DNAH6: variants seen among roughly 807,000 people sequenced by gnomAD.
The protein encoded by DNAH6 is axonemal beta dynein heavy chain 6.
In DNAH6, 340 loss-of-function variants were observed where a neutral mutation model predicts 491.4. That is an observed-to-expected ratio of 0.69 (90% CI 0.63 to 0.76). The LOEUF is 0.76. Among genes scored for constraint, DNAH6 ranks in the 30% least tolerant of loss-of-function variants. DNAH6 has a pLI of 0.00. For synonymous variants in DNAH6, 1,603 were observed against 1,686.1 expected, an observed-to-expected ratio of 0.95 and a Z score of 1.21; for missense variants, 4,443 against 4,972.2, an observed-to-expected ratio of 0.89 and a Z score of 3.20.
intron 46 of DNAH6, among the ~76,000 whole-genome samples, chr2:84,695,973 T>TA (rs1176726854): frequency 1.3e-5 from 2 of 151,786 alleles, no homozygotes; most frequent in Admixed American, 6.6e-5. Flanking sequence ...AACGTAACCA[T>TA]AAAAATAAAA....
At chr2:84,460,309 ACTC>A in the DNAH6 span, among the ~76,000 whole-genome samples, 2 of 151,778 alleles carry the variant, frequency 1.3e-5, no homozygotes, top group African/African-American at 2.4e-5. Context: ...CTGCAAATAA[ACTC>A]CTCCCTCATG....
At chr2:84,484,186 C>G in the DNAH6 span, among the ~76,000 whole-genome samples, 2 of 152,110 alleles carry the variant, frequency 1.3e-5, no homozygotes. Flanking sequence ...ACATCTGCAT[C>G]TAGTCCAGGA....
the DNAH6 span, among the ~76,000 whole-genome samples, chr2:84,472,974 C>G: frequency 3.1e-4 from 47 of 152,282 alleles, 1 homozygote; most frequent in African/African-American, 1.1e-3. Context: ...AAAGTTAACA[C>G]TGTTATCACA....
chr2:84,641,905 T>C, intron 32 of DNAH6, 42 bp from the exon 33 acceptor site: 11 of 1,478,630 alleles, frequency 7.4e-6, no homozygotes, highest in Non-Finnish European at 9.2e-6. Context: ...TGTTCAACCT[T>C]ATGTTCTTGT....
At chr2:84,598,177 TTCTC>T (rs1553438123) in intron 18 of DNAH6, among the ~76,000 whole-genome samples, 3 of 75,446 alleles carry the variant, frequency 4.0e-5, no homozygotes, top group East Asian at 5.1e-4. Flanking sequence ...CTTTCTTTCT[TTCTC>T]TCTTTCTTTT....
chr2:84,653,105 T>C (rs942805049), intron 33 of DNAH6, among the ~76,000 whole-genome samples: 6 of 152,026 alleles, frequency 3.9e-5, no homozygotes, highest in African/African-American at 1.4e-4. Flanking sequence ...CTTAGGAACA[T>C]TGGTCTACTG....
the DNAH6 span, among the ~76,000 whole-genome samples, chr2:84,480,277 G>C: frequency 6.6e-6 from 1 of 152,078 alleles, no homozygotes; most frequent in Non-Finnish European, 1.5e-5. Flanking sequence ...TTTTTTAATA[G>C]ATGAAGAGAT....
intron 44 of DNAH6, among the ~76,000 whole-genome samples, chr2:84,687,480 A>C (rs1325910609): frequency 6.6e-6 from 1 of 152,202 alleles, no homozygotes; most frequent in East Asian, 1.9e-4. Flanking sequence ...ACTCTAGATA[A>C]GTATTACCAC....
intron 34 of DNAH6, 124 bp from the exon 35 acceptor site, chr2:84,654,536 A>C: frequency 8.0e-7 from 1 of 1,254,010 alleles, no homozygotes; most frequent in Non-Finnish European, 1.1e-6. Context: ...TCTCTTCCAC[A>C]TGAAGCCCTT....
the DNAH6 span, among the ~76,000 whole-genome samples, chr2:84,474,360 G>C: frequency 6.6e-6 from 1 of 152,102 alleles, no homozygotes; most frequent in Non-Finnish European, 1.5e-5. Context: ...TCCTGTTTCA[G>C]TGGCCATTGC....
Position 84,585,472 on chromosome 2 carries a change from G to A in DNAH6, c.2481+1222G>A, listed in dbSNP as rs552667059. Among the ~76,000 whole-genome samples the A allele has an allele frequency of 3.4e-4, 52 of 152,290 alleles. 1 individual carries two copies. The Middle Eastern group carries it at 0.01, about 30-fold the overall frequency. On this transcript the variant is annotated intron_variant, in intron 15 of 76. Transcript: ENST00000389394. ...TGTTAGAACAGCTCGGAGGAAATCC[G>A]CAGTGGGTAGCTGCTCTCTAGGCAG...
chr2:84,534,054 T>G (rs1475492803), intron 4 of DNAH6, among the ~76,000 whole-genome samples: 2 of 152,090 alleles, frequency 1.3e-5, no homozygotes, highest in Non-Finnish European at 2.9e-5. Context: ...TTTTTAAAAT[T>G]ATGACATATT....
intron 29 of DNAH6, among the ~76,000 whole-genome samples, chr2:84,632,328 C>T (rs571754023): frequency 9.9e-5 from 15 of 152,220 alleles, no homozygotes; most frequent in South Asian, 4.1e-4. Context: ...AGTCACCAGC[C>T]GTGTCAGGGC....
intron 30 of DNAH6, among the ~76,000 whole-genome samples, chr2:84,636,231 C>A (rs1320622674): frequency 6.6e-6 from 1 of 152,196 alleles, no homozygotes; most frequent in Non-Finnish European, 1.5e-5. Flanking sequence ...TCAGGCCCAG[C>A]CTAGCTATGC....
the DNAH6 span, among the ~76,000 whole-genome samples, chr2:84,498,486 T>A: frequency 1.5e-5 from 2 of 134,284 alleles, no homozygotes; most frequent in East Asian, 4.5e-4. Context: ...GTTTTTAGAA[T>A]AGAAACCTGC....
chr2:84,686,505 T>C lies in DNAH6; in HGVS notation c.7085T>C (p.Ile2362Thr). 1.3e-6 allele frequency: 2 copies of C among 1,537,028 alleles called. No individual in the cohort carries two copies. Among genetic ancestry groups the C allele is most frequent in the Non-Finnish European group, 8.8e-7 (1 of 1,136,426 alleles). ...ATAGACAAACATTTTGGAATTGCAA[T>C]TGACCTGGAATATTTTTTGAATAAG... is the stretch of plus-strand genomic sequence containing the variant. ...EMANKHFGIAIDLEYFLNKPI... is the reference protein window; with the variant it reads ...EMANKHFGIATDLEYFLNKPI... Residue 2362 changes from isoleucine to threonine, a missense_variant, in exon 44 of 77, where the codon ATT becomes ACT. Coordinates refer to ENST00000389394, the MANE Select transcript of DNAH6 (RefSeq NM_001370.2).
chr2:84,736,493 ATTTG>A (rs2105001418), intron 62 of DNAH6, among the ~76,000 whole-genome samples: 1 of 152,112 alleles, frequency 6.6e-6, no homozygotes, highest in East Asian at 1.9e-4. Flanking sequence ...ATGTTTTTCC[ATTTG>A]TTTGTTTCAT....
chr2:84,550,292 A>C (rs146271779), intron 9 of DNAH6, among the ~76,000 whole-genome samples: 1 of 152,288 alleles, frequency 6.6e-6, no homozygotes, highest in Non-Finnish European at 1.5e-5. Context: ...ATCAGGCATT[A>C]GTTAGAGTCT....
chr2:84,590,264 G>A (rs1389192487), intron 16 of DNAH6, among the ~76,000 whole-genome samples: 1 of 152,060 alleles, frequency 6.6e-6, no homozygotes, highest in Non-Finnish European at 1.5e-5. Context: ...GGGAGGCCAA[G>A]GCTGGCAAAT....
Sources: allele counts gnomAD v4.1 joint callset (sites outside exome capture counted in the v4.1 genomes callset), GRCh38; gene constraint gnomAD v4.1.1; transcripts MANE v1.5; gene names NCBI Gene and HGNC (gene_info 2026-07-23, HGNC 2026-07-21).